Variants in ELAPOR2 observed in about 807,000 individuals in gnomAD.
ELAPOR2 encodes endosome/lysosome-associated apoptosis and autophagy regulator family member 2.
A neutral mutation model predicts 120.7 loss-of-function variants in ELAPOR2; 89 were observed. The ratio of observed to expected loss-of-function variants is 0.74; its 90% CI spans 0.62 to 0.88. ELAPOR2 has a LOEUF of 0.88. Ranked by LOEUF, ELAPOR2 falls within the 40% of genes least tolerant of loss-of-function variation. The pLI is 0.00. For synonymous variants in ELAPOR2, 444 were observed against 444.9 expected (o/e 1.00, Z 0.03); for missense variants, 1,134 against 1,251.6 (o/e 0.91, Z 1.42).
intron 1 of ELAPOR2, among the ~76,000 whole-genome samples, chr7:87,046,939 C>T (rs1174561544): frequency 6.6e-6 from 1 of 152,160 alleles, no homozygotes; most frequent in African/African-American, 2.4e-5. Context: ...TCAAATTATA[C>T]TACAAAGCTA....
chr7:86,896,836 C>T (rs1788459428), intron 19 of ELAPOR2, among the ~76,000 whole-genome samples: 1 of 151,938 alleles, frequency 6.6e-6, no homozygotes, highest in Admixed American at 6.6e-5. Context: ...TAAAAATATC[C>T]ATTATTTTTG....
intron 1 of ELAPOR2, among the ~76,000 whole-genome samples, chr7:87,004,107 A>G (rs1047448192): frequency 1.3e-5 from 2 of 152,172 alleles, no homozygotes; most frequent in African/African-American, 4.8e-5. Flanking sequence ...ATCGAGTCCT[A>G]TTATCCTTTC....
intron 1 of ELAPOR2, among the ~76,000 whole-genome samples, chr7:87,039,829 G>C (rs374129995): frequency 2.6e-5 from 4 of 152,190 alleles, no homozygotes; most frequent in Non-Finnish European, 4.4e-5. Context: ...CGCAGAAGAC[G>C]GGTGATTTCT....
intron 1 of ELAPOR2, among the ~76,000 whole-genome samples, chr7:87,040,521 C>T (rs989013647): frequency 3.9e-5 from 6 of 152,172 alleles, no homozygotes; most frequent in Non-Finnish European, 7.3e-5. Context: ...CCTCACACTG[C>T]AGGGTATTCC....
At chr7:86,927,063 G>C (rs1203026940) in intron 8 of ELAPOR2, 147 bp from the exon 9 acceptor site, 2 of 680,066 alleles carry the variant, frequency 2.9e-6, no homozygotes, top group African/African-American at 1.9e-5. Flanking sequence ...GACAAAATGA[G>C]AGAAAAGAGA....
At chr7:86,912,522 G>A (rs900359581) in intron 14 of ELAPOR2, among the ~76,000 whole-genome samples, 3 of 152,094 alleles carry the variant, frequency 2.0e-5, no homozygotes, top group Admixed American at 1.3e-4. Flanking sequence ...ATTCTGTTAC[G>A]TAAATTTAAA....
chr7:86,908,613 G>C (rs1789148469), intron 16 of ELAPOR2, 70 bp from the exon 17 acceptor site: 2 of 671,194 alleles, frequency 3.0e-6, no homozygotes, highest in Admixed American at 2.9e-5. Context: ...CCGTAGTTTT[G>C]AATAGAAAAT....
chr7:86,893,054 A>G lies in ELAPOR2; in HGVS notation c.2732T>C (p.Ile911Thr). The change falls in exon 20 of 22, where the codon ATT becomes ACT. Residue 911 changes from isoleucine to threonine, a missense_variant. Transcript: ENST00000450689. ...TGCCAACTTTTTCTCAGGCAAAGAA[A>G]TTCCTTTAATGCACCATTTAGGTTC... Reference protein sequence around the residue: ...WNEPKWCIKGISLPEKKLATC... With the variant: ...WNEPKWCIKGTSLPEKKLATC... 6.4e-7 allele frequency: 1 copy of G among 1,573,844 alleles called. No homozygotes were observed. The highest frequency in any genetic ancestry group is 8.6e-7 in the Non-Finnish European group (1 of 1,165,190).
intron 1 of ELAPOR2, among the ~76,000 whole-genome samples, chr7:87,043,513 C>A (rs951446322): frequency 2.0e-5 from 3 of 151,486 alleles, no homozygotes; most frequent in East Asian, 3.9e-4. Context: ...ACAAAAACCA[C>A]ATGATTATCT....
rs1292560232 is a variant in ELAPOR2, at chr7:86,986,325, A to G, written c.190-21301T>C. Among the ~76,000 whole-genome samples the G allele has an allele frequency of 7.1e-5, 8 of 113,048 alleles. 2 individuals carry two copies. Among genetic ancestry groups the G allele is most frequent in the African/African-American group, 2.9e-4 (7 of 24,006 alleles). 74.2% of individuals were successfully genotyped at this position (113,048 alleles called of 152,430 possible). A position where few individuals can be genotyped will look rare whatever the true frequency, so the allele number is the denominator to read the frequency against. On this transcript the variant is annotated intron_variant, in intron 1 of 21. Transcript: ENST00000450689. ...GCGCCTGTAGTCCCAGCTACTTGGG[A>G]GGCTGAGGCAGGAGAATGGCGTGAA...
chr7:86,980,085 C>A (rs887187894), intron 1 of ELAPOR2, among the ~76,000 whole-genome samples: 1 of 152,106 alleles, frequency 6.6e-6, no homozygotes, highest in Non-Finnish European at 1.5e-5. Flanking sequence ...AGAAATTATA[C>A]AAAATTAAGT....
chr7:86,892,942 G>A lies in ELAPOR2; in HGVS notation c.2844C>T (p.Tyr948=). The A allele has an allele frequency of 1.3e-6, 2 of 1,547,108 alleles. No individual in the cohort carries two copies. The highest frequency in any genetic ancestry group is 1.7e-4 in the Middle Eastern group (1 of 5,794). Residue 948 remains tyrosine (Y), a synonymous_variant, in exon 20 of 22, where the codon TAC becomes TAT. Transcript: ENST00000450689. The stretch of plus-strand genomic sequence containing the variant: ...CTTACTTTTGATTCTTTTTCCAGAA[G>A]TAGCAGGTCAGAGCCACCAGCAAAA... The part of the protein sequence containing the change: ...TAVLLVALTC[Y]FWKKNQKLEY...
chr7:86,970,908 A>G (rs1393124674), intron 1 of ELAPOR2, among the ~76,000 whole-genome samples: 1 of 152,124 alleles, frequency 6.6e-6, no homozygotes, highest in African/African-American at 2.4e-5. Flanking sequence ...CAGGTGCTCA[A>G]TTCATTTTTG....
At chr7:87,016,179 T>C (rs769754102) in intron 1 of ELAPOR2, among the ~76,000 whole-genome samples, 2 of 152,144 alleles carry the variant, frequency 1.3e-5, no homozygotes, top group Non-Finnish European at 2.9e-5. Flanking sequence ...AATGAAACTG[T>C]TCTGTATGTT....
At chr7:86,885,925 G>A (rs920245863) in intron 21 of ELAPOR2, among the ~76,000 whole-genome samples, 2 of 152,036 alleles carry the variant, frequency 1.3e-5, no homozygotes, top group African/African-American at 4.8e-5. Flanking sequence ...TGTAGAGAAG[G>A]GCCAGTAGGC....
rs372700382 is a variant in ELAPOR2, at chr7:87,004,301, C to A, written c.190-39277G>T. Among the ~76,000 whole-genome samples the A allele has an allele frequency of 2.0e-5, 3 of 152,198 alleles. No homozygotes were observed. The East Asian group carries it at 5.8e-4, about 29-fold the overall frequency. On this transcript the variant is annotated intron_variant, in intron 1 of 21. Transcript: ENST00000450689. ...AAAATAGCCGCAGGCTAAAGATCAG[C>A]CCCCATTCAAACACCAGAGCAGAGA...
intron 12 of ELAPOR2, 72 bp from the exon 13 acceptor site, chr7:86,914,932 C>T (rs1029367): frequency 0.087 from 97,491 of 1,122,106 alleles, 4,605 homozygotes; most frequent in African/African-American, 0.13. Flanking sequence ...GTATATATTA[C>T]AAATGTATTC....
chr7:87,041,569 T>G lies in ELAPOR2; in HGVS notation c.189+17756A>C, dbSNP rs190153443. Reference sequence around the variant, plus strand: ...TACAGACAAGCAAATGCTGAGAGATTTTGTAACCACCAGGCCTGCCCTAAA... The same window carrying G: ...TACAGACAAGCAAATGCTGAGAGATGTTGTAACCACCAGGCCTGCCCTAAA... On this transcript the variant is annotated intron_variant, in intron 1 of 21. Transcript: ENST00000450689. 1.3e-3 allele frequency among the ~76,000 whole-genome samples: 195 copies of G among 151,772 alleles called. 2 individuals carry two copies. Among genetic ancestry groups the G allele is most frequent in the African/African-American group, 4.4e-3 (184 of 41,360 alleles).
At chr7:86,884,105 T>A (rs1223589108) in intron 21 of ELAPOR2, among the ~76,000 whole-genome samples, 1 of 152,208 alleles carries the variant, frequency 6.6e-6, no homozygotes, top group Non-Finnish European at 1.5e-5. Context: ...AACTTTTCTG[T>A]ACTATTTCAA....
Sources: allele counts gnomAD v4.1 joint callset (sites outside exome capture counted in the v4.1 genomes callset), GRCh38; gene constraint gnomAD v4.1.1; transcripts MANE v1.5; gene names NCBI Gene and HGNC (gene_info 2026-07-23, HGNC 2026-07-21).